Variants in ZCCHC7 observed in about 807,000 individuals in gnomAD.
ZCCHC7 encodes zinc finger CCHC domain-containing protein 7.
In ZCCHC7, 35 loss-of-function variants were observed where a neutral mutation model predicts 52.0. The ratio of observed to expected loss-of-function variants is 0.67; its 90% CI spans 0.51 to 0.89. The LOEUF (loss-of-function observed/expected upper bound fraction) is 0.89. Among genes scored for constraint, ZCCHC7 ranks in the 40% least tolerant of loss-of-function variants. The pLI is 0.00. For missense variants in ZCCHC7, 574 were observed against 649.1 expected (o/e 0.88, Z 1.26); for synonymous variants, 217 against 221.5 (o/e 0.98, Z 0.18).
chr9:37,262,746 A>G (rs1826927458), intron 2 of ZCCHC7, among the ~76,000 whole-genome samples: 1 of 152,078 alleles, frequency 6.6e-6, no homozygotes, highest in Admixed American at 6.5e-5. Flanking sequence ...GTAGCTCCTT[A>G]CTTTTCATGT....
intron 2 of ZCCHC7, among the ~76,000 whole-genome samples, chr9:37,284,880 C>A (rs1828136930): frequency 6.6e-6 from 1 of 152,138 alleles, no homozygotes; most frequent in Admixed American, 6.5e-5. Context: ...TATGTATTCC[C>A]AGGAGGCATG....
chr9:37,132,731 C>T (rs1564132785), intron 2 of ZCCHC7, among the ~76,000 whole-genome samples: 3 of 152,180 alleles, frequency 2.0e-5, no homozygotes, highest in Non-Finnish European at 4.4e-5. Context: ...TACATCCTCT[C>T]GTATACTTTT....
In ZCCHC7 at chr9:37,305,629, C is replaced by A. The variant is rs770370510; in HGVS notation, c.866C>A (p.Pro289His). The change falls in exon 5 of 9, where the codon CCT (proline) becomes CAT (histidine). Residue 289 changes from proline (P) to histidine (H), a missense_variant. By Grantham distance (77) the Pro-to-His change is moderately conservative. Transcript: ENST00000336755. ...CCCCTTTGCGAATACTGTCCTGTGC[C>A]TAAGATGTTGGACCACTCATGTCTT... Reference protein sequence around the residue: ...PAPLCEYCPVPKMLDHSCLFR... With the variant: ...PAPLCEYCPVHKMLDHSCLFR... 6.2e-7 allele frequency: 1 copy of A among 1,614,038 alleles called. No individual in the cohort carries two copies. The highest frequency in any genetic ancestry group is 8.5e-7 in the Non-Finnish European group (1 of 1,179,988).
intron 2 of ZCCHC7, among the ~76,000 whole-genome samples, chr9:37,241,162 A>C (rs1393567565): frequency 6.6e-6 from 1 of 151,784 alleles, no homozygotes; most frequent in South Asian, 2.1e-4. Flanking sequence ...TTTATTTAAG[A>C]ATTTTGCTTA....
At chr9:37,233,269 T>C (rs1257470050) in intron 2 of ZCCHC7, among the ~76,000 whole-genome samples, 1 of 152,212 alleles carries the variant, frequency 6.6e-6, no homozygotes, top group South Asian at 2.1e-4. Flanking sequence ...TTATTTTATT[T>C]TAGTCTTAAC....
intron 6 of ZCCHC7, among the ~76,000 whole-genome samples, chr9:37,343,534 C>G (rs1564267786): frequency 6.6e-6 from 1 of 152,132 alleles, no homozygotes; most frequent in Admixed American, 6.5e-5. Flanking sequence ...ATGAAAAATT[C>G]CTACTAAGGG....
At chr9:37,282,833 G>A (rs10973288) in intron 2 of ZCCHC7, among the ~76,000 whole-genome samples, 19,877 of 149,922 alleles carry the variant, frequency 0.13, 1,597 homozygotes, top group Non-Finnish European at 0.17. Flanking sequence ...AAAGGCGGGG[G>A]GAGTGAGGGG....
intron 2 of ZCCHC7, among the ~76,000 whole-genome samples, chr9:37,218,582 A>G (rs1224542181): frequency 1.3e-5 from 2 of 152,142 alleles, no homozygotes. Flanking sequence ...GCCAAGGCTG[A>G]CAGATAACTT....
At chr9:37,306,249 G>T (rs1829299297) in intron 5 of ZCCHC7, among the ~76,000 whole-genome samples, 1 of 151,144 alleles carries the variant, frequency 6.6e-6, no homozygotes, top group Non-Finnish European at 1.5e-5. Context: ...TGTATTTTTA[G>T]TAGAGACGGG....
intron 2 of ZCCHC7, among the ~76,000 whole-genome samples, chr9:37,161,501 G>T (rs1041088131): frequency 1.1e-4 from 16 of 152,020 alleles, no homozygotes; most frequent in African/African-American, 3.9e-4. Context: ...CATGAACCTG[G>T]CAGGCGGAGC....
intron 2 of ZCCHC7, among the ~76,000 whole-genome samples, chr9:37,297,686 G>A (rs1828850617): frequency 6.6e-6 from 1 of 152,184 alleles, no homozygotes; most frequent in Admixed American, 6.5e-5. Context: ...CACCTGCGGT[G>A]TAGATAACCA....
chr9:37,332,304 AAAAT>A (rs1315433389), intron 6 of ZCCHC7, among the ~76,000 whole-genome samples: 1 of 151,586 alleles, frequency 6.6e-6, no homozygotes, highest in African/African-American at 2.4e-5. Context: ...ATAGTACTAT[AAAAT>A]AAATCAGACT....
rs766478465 is a variant in ZCCHC7 at position 37,349,383 on chromosome 9, G to A, written c.1014G>A (p.Pro338=). ...CCAAACCTGGACCACCCAAAAAGCC[G>A]AAGACCCCTTCAAGACCATCAGCCT... ...LTTKPGPPKK[P]KTPSRPSALA... is the part of the protein sequence containing the mutation. The change falls in exon 7 of 9, where the codon CCG becomes CCA. Residue 338 remains proline, a synonymous_variant. Coordinates refer to ENST00000336755, the MANE Select transcript of ZCCHC7 (RefSeq NM_032226.3). 10 of 1,613,944 alleles carry A rather than the reference G, an allele frequency of 6.2e-6. No homozygotes were observed. The Admixed American group carries it at 6.7e-5, about 11-fold the overall frequency.
At chr9:37,351,301 A>G (rs1821363781) in intron 7 of ZCCHC7, among the ~76,000 whole-genome samples, 1 of 152,110 alleles carries the variant, frequency 6.6e-6, no homozygotes, top group African/African-American at 2.4e-5. Context: ...GAGAAGTTGT[A>G]CAGGAAATCT....
At chr9:37,259,013 A>C (rs904700700) in intron 2 of ZCCHC7, among the ~76,000 whole-genome samples, 1 of 152,162 alleles carries the variant, frequency 6.6e-6, no homozygotes, top group Non-Finnish European at 1.5e-5. Flanking sequence ...TTTGTAAGAC[A>C]ATAGGCAAGC....
upstream of ZCCHC7, chr9:37,120,515 C>T (rs1309214600): frequency 2.5e-6 from 1 of 399,100 alleles, no homozygotes; most frequent in Non-Finnish European, 4.4e-6. Context: ...AGTGCCTTCC[C>T]TCCCGGGTCT....
At chr9:37,355,017 C>T (rs1167410205) in intron 8 of ZCCHC7, among the ~76,000 whole-genome samples, 193 bp downstream of exon 8, 1 of 152,176 alleles carries the variant, frequency 6.6e-6, no homozygotes, top group Non-Finnish European at 1.5e-5. Context: ...GTTGCAATCT[C>T]CTCACAGTAA....
chr9:37,126,644 A>G lies in ZCCHC7; in HGVS notation c.312A>G (p.Lys104=). The part of the protein sequence containing the change: ...LSDEDSIYRC[K]GKNVRVQAQE... ...ATGAAGACAGTATTTATAGATGTAA[A>G]GGAAAGAATGTTAGAGTTCAAGCAC... Residue 104 remains lysine (K), a synonymous_variant, in exon 2 of 9, where the codon AAA becomes AAG. Transcript: ENST00000336755. The G allele has an allele frequency of 6.2e-7, 1 of 1,614,184 alleles. No homozygotes were observed. Among genetic ancestry groups the G allele is most frequent in the Non-Finnish European group, 8.5e-7 (1 of 1,180,026 alleles).
intron 2 of ZCCHC7, among the ~76,000 whole-genome samples, chr9:37,212,059 A>AAAAAAAG (rs1824264357): frequency 6.9e-6 from 1 of 145,574 alleles, no homozygotes; most frequent in African/African-American, 2.5e-5. Flanking sequence ...AAAAAAAAAA[A>AAAAAAAG]AAAAAAGAAA....
Sources: gnomAD v4.1 joint callset for allele counts (sites outside exome capture counted in the v4.1 genomes callset) on GRCh38, gnomAD v4.1.1 for gene constraint, MANE v1.5 for transcripts, NCBI Gene and HGNC (gene_info 2026-07-23, HGNC 2026-07-21) for gene names.